PLXNA4: variants seen among roughly 807,000 people sequenced by gnomAD.
PLXNA4 encodes plexin A4, also known as plexin-A4.
Under a neutral mutation model 191.8 loss-of-function variants are expected in PLXNA4, and 44 were observed. The ratio of observed to expected loss-of-function variants is 0.23; its 90% CI spans 0.18 to 0.29. The LOEUF (loss-of-function observed/expected upper bound fraction) is 0.29, where lower values mean the gene tolerates loss of function less well. Among genes scored for constraint, PLXNA4 ranks in the 10% least tolerant of loss-of-function variants. The pLI, the probability that PLXNA4 is intolerant of heterozygous loss-of-function variation, is 1.00. For missense variants in PLXNA4, 1,800 were observed against 2,488.8 expected (o/e 0.72, Z 5.89); for synonymous variants, 1,082 against 1,009.5 (o/e 1.07, Z -1.36).
chr7:132,284,448 C>G (rs1800606871), intron 4 of PLXNA4, among the ~76,000 whole-genome samples: 4 of 152,202 alleles, frequency 2.6e-5, no homozygotes, highest in Admixed American at 2.0e-4. Context: ...TATTTCCCAG[C>G]CTGTGGATTA....
chr7:132,173,123 A>G (rs1796343434), intron 21 of PLXNA4, among the ~76,000 whole-genome samples: 1 of 152,200 alleles, frequency 6.6e-6, no homozygotes. Context: ...ACACGTGCAC[A>G]CAATGGTCTT....
chr7:132,330,808 C>T (rs1294792909), intron 3 of PLXNA4, among the ~76,000 whole-genome samples: 2 of 152,180 alleles, frequency 1.3e-5, no homozygotes, highest in South Asian at 2.1e-4. Context: ...TGACCCTGTG[C>T]ACCATGTATC....
intron 1 of PLXNA4, among the ~76,000 whole-genome samples, chr7:132,573,041 G>A (rs1454863401): frequency 3.3e-5 from 5 of 151,726 alleles, no homozygotes; most frequent in South Asian, 2.1e-4. Context: ...ATGGGCTGGC[G>A]GATGTGCGCA....
intron 3 of PLXNA4, among the ~76,000 whole-genome samples, chr7:132,441,279 C>T (rs188923829): frequency 6.6e-6 from 1 of 152,156 alleles, no homozygotes; most frequent in Non-Finnish European, 1.5e-5. Context: ...TTTAAACTCG[C>T]CTTTGTCAAC....
chr7:132,549,220 G>A (rs1800445328), intron 1 of PLXNA4, among the ~76,000 whole-genome samples: 1 of 152,026 alleles, frequency 6.6e-6, no homozygotes, highest in Non-Finnish European at 1.5e-5. Context: ...TTTACTTTAT[G>A]GACTTGCCCT....
rs538837854 is a variant in PLXNA4, at chr7:132,125,275, T to C, written c.*5204A>G. On this transcript the variant is annotated 3_prime_UTR_variant, in exon 32 of 32. Coordinates refer to ENST00000321063, the MANE Select transcript of PLXNA4 (RefSeq NM_020911.2). ...TTGTTTCCTACATAGAGAATGCCTG[T>C]AGGGTGAGGTGGCAGGAGGCGGTAG... The C allele has an allele frequency of 1.2e-4, 18 of 152,166 alleles. No homozygotes were observed. Among genetic ancestry groups the C allele is most frequent in the Non-Finnish European group, 2.5e-4 (17 of 68,018 alleles). The allele number at this position is 152,166 out of a possible 1,614,324, so 9.4% of individuals were successfully genotyped here.
chr7:132,198,411 C>T, intron 13 of PLXNA4, 74 bp downstream of exon 13: 1 of 1,527,442 alleles, frequency 6.5e-7, no homozygotes, highest in Non-Finnish European at 8.8e-7. Flanking sequence ...CACCTAGTTG[C>T]TGACCAGGAC....
chr7:132,286,523 A>G (rs1303016423), intron 4 of PLXNA4, among the ~76,000 whole-genome samples: 1 of 152,070 alleles, frequency 6.6e-6, no homozygotes, highest in East Asian at 1.9e-4. Flanking sequence ...GCTTTCCTTA[A>G]CTACTGGCCC....
At position 132,632,160 on chromosome 7, in the gene PLXNA4, C is replaced by T. The variant is rs148403247; in HGVS notation, c.-87+13768G>A. On this transcript the variant is annotated intron_variant, in intron 2 of 4. Transcript: ENST00000378539. ...CTGAGGCAGGAGAATTACTTGAACC[C>T]GGGAGGCGGAGGTTGCAGTGAGCTG... Among the ~76,000 whole-genome samples the T allele has an allele frequency of 6.3e-3, 937 of 149,414 alleles. 6 individuals carry two copies. The highest frequency in any genetic ancestry group is 0.023 in the African/African-American group (909 of 40,334).
chr7:132,226,694 C>T (rs1201061015), intron 7 of PLXNA4, among the ~76,000 whole-genome samples: 2 of 152,166 alleles, frequency 1.3e-5, no homozygotes, highest in African/African-American at 4.8e-5. Context: ...AAAGAGAGCC[C>T]CTGTTCTGAC....
intron 3 of PLXNA4, among the ~76,000 whole-genome samples, chr7:132,307,720 G>A (rs79358769): frequency 0.034 from 5,164 of 152,190 alleles, 305 homozygotes; most frequent in African/African-American, 0.12. Context: ...TTAGTCTCAG[G>A]GCTTGGAAGG....
chr7:132,172,758 T>TATAATAATAATAATAATA (rs10651247), intron 21 of PLXNA4, among the ~76,000 whole-genome samples: 7,208 of 148,932 alleles, frequency 0.048, 185 homozygotes, highest in Middle Eastern at 0.07. Context: ...AAACTTAAAG[T>TATAATAATAATAATAATA]ATAATAATAA....
chr7:132,365,873 G>T (rs1396930115), intron 3 of PLXNA4: 1 of 152,202 alleles, frequency 6.6e-6, no homozygotes, highest in South Asian at 2.1e-4. Context: ...AACCACAGGA[G>T]ATGGGGCTCC....
chr7:132,378,365 C>T (rs1365045184), intron 3 of PLXNA4, among the ~76,000 whole-genome samples: 1 of 152,200 alleles, frequency 6.6e-6, no homozygotes, highest in Non-Finnish European at 1.5e-5. Flanking sequence ...TGGCACATGG[C>T]TGGCACATGG....
At chr7:132,635,642 C>T (rs1803589206) in intron 2 of PLXNA4, among the ~76,000 whole-genome samples, 1 of 152,138 alleles carries the variant, frequency 6.6e-6, no homozygotes, top group Non-Finnish European at 1.5e-5. Flanking sequence ...CTCTTTCTGA[C>T]CCCACTGCCC....
intron 3 of PLXNA4, among the ~76,000 whole-genome samples, chr7:132,342,877 G>A (rs1269673072): frequency 6.6e-6 from 1 of 151,308 alleles, no homozygotes; most frequent in Non-Finnish European, 1.5e-5. Context: ...AATCCGGGAG[G>A]TGGAGGTTGC....
At position 132,507,930 on chromosome 7, in the gene PLXNA4, T is replaced by C; in HGVS notation, c.764A>G (p.Tyr255Cys). The change falls in exon 2 of 32, where the codon TAC becomes TGC. Residue 255 changes from tyrosine (Y) to cysteine (C), a missense_variant. By Grantham distance (194) the Tyr-to-Cys change is radical (BLOSUM62 -2). Coordinates refer to ENST00000321063, the MANE Select transcript of PLXNA4 (RefSeq NM_020911.2). ...VYGFSSGNFV[Y>C]FLTLQPEMVS... Reference sequence around the variant, plus strand: ...CATCTCAGGTTGGAGGGTCAAAAAGTAGACAAAGTTGCCACTGCTAAAACC... The same window carrying C: ...CATCTCAGGTTGGAGGGTCAAAAAGCAGACAAAGTTGCCACTGCTAAAACC... The C allele has an allele frequency of 6.2e-7, 1 of 1,614,118 alleles. No individual in the cohort carries two copies. Among genetic ancestry groups the C allele is most frequent in the Non-Finnish European group, 8.5e-7 (1 of 1,180,036 alleles).
chr7:132,168,713 C>G (rs928156203), intron 21 of PLXNA4, 141 bp from the exon 22 acceptor site: 153 of 1,229,710 alleles, frequency 1.2e-4, no homozygotes, highest in Middle Eastern at 5.0e-4. Flanking sequence ...CTGTCAAGCC[C>G]TTAGCACTGA....
chr7:132,241,776 G>T (rs928004016), intron 4 of PLXNA4, among the ~76,000 whole-genome samples: 1 of 152,126 alleles, frequency 6.6e-6, no homozygotes, highest in African/African-American at 2.4e-5. Context: ...GGCTCTAAAA[G>T]CTTTCACTAT....
Sources: allele counts gnomAD v4.1 joint callset (sites outside exome capture counted in the v4.1 genomes callset), GRCh38; gene constraint gnomAD v4.1.1; transcripts MANE v1.5; gene names NCBI Gene and HGNC (gene_info 2026-07-23, HGNC 2026-07-21).